EIF4E3: variants seen among roughly 807,000 people sequenced by gnomAD.
The protein encoded by EIF4E3 is eukaryotic translation initiation factor 4E family member 3.
Under a neutral mutation model 31.7 loss-of-function variants are expected in EIF4E3, and 26 were observed. That is an observed-to-expected ratio of 0.82 (90% CI 0.60 to 1.14). The LOEUF (loss-of-function observed/expected upper bound fraction) is 1.14. Among genes scored for constraint, EIF4E3 ranks in the 50% most tolerant of loss-of-function variants. The pLI, the probability that EIF4E3 is intolerant of heterozygous loss-of-function variation, is 0.00. For synonymous variants in EIF4E3, 128 were observed against 107.7 expected (o/e 1.19, Z -1.17); for missense variants, 304 against 270.9 (o/e 1.12, Z -0.86).
intron 1 of EIF4E3, among the ~76,000 whole-genome samples, chr3:71,711,666 T>C (rs1272413122): frequency 1.3e-5 from 2 of 151,934 alleles, no homozygotes; most frequent in Non-Finnish European, 2.9e-5. Context: ...TCCCTAAGAG[T>C]TGAACCTGAA....
At chr3:71,704,521 G>A (rs2049263715) in intron 2 of EIF4E3, among the ~76,000 whole-genome samples, 1 of 152,238 alleles carries the variant, frequency 6.6e-6, no homozygotes, top group South Asian at 2.1e-4. Context: ...CATTCTGGTG[G>A]GGTCGGGGGA....
chr3:71,685,212 C>T (rs1460330526), intron 6 of EIF4E3, among the ~76,000 whole-genome samples: 1 of 152,222 alleles, frequency 6.6e-6, no homozygotes, highest in African/African-American at 2.4e-5. Context: ...GGTGCCCCTG[C>T]TCCCTACCTC....
At position 71,683,727 on chromosome 3, in the gene EIF4E3, T is replaced by G. The variant is rs552274362; in HGVS notation, c.*955A>C. Reference sequence around the variant, plus strand: ...TGATGATGAGAAATGACACACAATGTGAGCAGGGAAAGGGATCATTTAACA... The same window carrying G: ...TGATGATGAGAAATGACACACAATGGGAGCAGGGAAAGGGATCATTTAACA... On this transcript the variant is annotated 3_prime_UTR_variant, in exon 7 of 7. Transcript: ENST00000425534. 3 of 152,328 alleles carry G rather than the reference T, an allele frequency of 2.0e-5. No homozygotes were observed. The South Asian group carries it at 6.2e-4, about 32-fold the overall frequency. 9.4% of individuals were successfully genotyped at this position (152,328 alleles called of 1,614,324 possible).
At chr3:71,691,257 T>G (rs1437568776) in intron 5 of EIF4E3, among the ~76,000 whole-genome samples, 1 of 152,220 alleles carries the variant, frequency 6.6e-6, no homozygotes, top group Non-Finnish European at 1.5e-5. Context: ...AATCTAAATA[T>G]TCATGCCATC....
intron 2 of EIF4E3, among the ~76,000 whole-genome samples, chr3:71,707,323 T>A (rs988830345): frequency 1.3e-5 from 2 of 152,198 alleles, no homozygotes; most frequent in African/African-American, 4.8e-5. Context: ...ATATGGGACA[T>A]CAACCAAGGC....
In EIF4E3 at chr3:71,684,591, G is replaced by T; in HGVS notation, c.*91C>A. On this transcript the variant is annotated 3_prime_UTR_variant, in exon 7 of 7. Coordinates refer to ENST00000425534, the MANE Select transcript of EIF4E3 (RefSeq NM_001134651.2). ...ACCCACTCTAAATTGACCAGCATCG[G>T]CTTCGGCAAGTCTTCTCTTCACTCT... The T allele has an allele frequency of 1.3e-6, 2 of 1,519,854 alleles. No individual in the cohort carries two copies. The highest frequency in any genetic ancestry group is 2.3e-5 in the South Asian group (2 of 87,426). 94.1% of individuals were successfully genotyped at this position (1,519,854 alleles called of 1,614,324 possible).
intron 2 of EIF4E3, among the ~76,000 whole-genome samples, chr3:71,709,079 C>T (rs2049337279): frequency 1.3e-5 from 2 of 151,978 alleles, no homozygotes; most frequent in Non-Finnish European, 2.9e-5. Context: ...GATACTGGGA[C>T]CATAGCCTAA....
At chr3:71,668,571 A>C in the EIF4E3 span, among the ~76,000 whole-genome samples, 1 of 152,188 alleles carries the variant, frequency 6.6e-6, no homozygotes, top group Admixed American at 6.5e-5. Context: ...AACCCCATCA[A>C]AAAGTGGGCA....
At chr3:71,752,060 C>T (rs951346810) in intron 1 of EIF4E3, among the ~76,000 whole-genome samples, 6 of 152,130 alleles carry the variant, frequency 3.9e-5, no homozygotes, top group East Asian at 1.9e-4. Context: ...TTAGGAGTCC[C>T]AAGTCAGGTG....
intron 1 of EIF4E3, among the ~76,000 whole-genome samples, chr3:71,714,170 C>T (rs548392481): frequency 6.6e-6 from 1 of 151,316 alleles, no homozygotes; most frequent in African/African-American, 2.4e-5. Flanking sequence ...CGAGATTGCG[C>T]CACTGCACTC....
At chr3:71,731,888 AAATAT>A (rs1474053439) in intron 1 of EIF4E3, among the ~76,000 whole-genome samples, 3 of 152,234 alleles carry the variant, frequency 2.0e-5, no homozygotes, top group Non-Finnish European at 4.4e-5. Context: ...GTATATTTCC[AAATAT>A]ATTTAGAGAG....
At chr3:71,729,957 G>A (rs1331389055), upstream of EIF4E3, among the ~76,000 whole-genome samples, 2 of 151,952 alleles carry the variant, frequency 1.3e-5, no homozygotes, top group East Asian at 3.9e-4. Flanking sequence ...CTATAAATAT[G>A]CAGGCCTGTC....
At chr3:71,729,783 C>T (rs1004438732), upstream of EIF4E3, among the ~76,000 whole-genome samples, 4 of 132,562 alleles carry the variant, frequency 3.0e-5, no homozygotes, top group African/African-American at 1.2e-4. Context: ...CTCTGGGAGC[C>T]TACATTCCAA....
chr3:71,678,585 T>C lies in EIF4E3; in HGVS notation c.*6097A>G, dbSNP rs1178294073. 2 of 151,938 alleles carry C rather than the reference T, an allele frequency of 1.3e-5. No individual in the cohort carries two copies. The highest frequency in any genetic ancestry group is 2.9e-5 in the Non-Finnish European group (2 of 67,990). The allele number at this position is 151,938 out of a possible 1,614,324, so 9.4% of individuals were successfully genotyped here. A position where few individuals can be genotyped will look rare whatever the true frequency, so the allele number is the denominator to read the frequency against. On this transcript the variant is annotated 3_prime_UTR_variant, in exon 7 of 7. Transcript: ENST00000425534. ...ACAACACACAATATAAAATCAAAAA[T>C]AACTAGAACAGAAAAGTTTTCAGTC...
At chr3:71,719,016 G>A (rs1212463864) in intron 1 of EIF4E3, among the ~76,000 whole-genome samples, 1 of 152,200 alleles carries the variant, frequency 6.6e-6, no homozygotes, top group Non-Finnish European at 1.5e-5. Context: ...GAACAAGGAT[G>A]ACTTTGGGGT....
In EIF4E3 at chr3:71,696,454, A is replaced by G. The variant is rs1194626697; in HGVS notation, c.405+6T>C. 1.2e-6 allele frequency: 2 copies of G among 1,613,866 alleles called. No individual in the cohort carries two copies. Among genetic ancestry groups the G allele is most frequent in the Non-Finnish European group, 8.5e-7 (1 of 1,179,982 alleles). ...CGGTTCTAGAAGAGGATCAGTAGGA[A>G]CCTACCGTGCTGTCCTTGGGGACTT... is the stretch of plus-strand genomic sequence containing the variant. On this transcript the variant is annotated splice_donor_region_variant and intron_variant, in intron 4 of 6. Coordinates refer to ENST00000425534, the MANE Select transcript of EIF4E3 (RefSeq NM_001134651.2).
At chr3:71,671,499 G>A (rs1366695786), downstream of EIF4E3, among the ~76,000 whole-genome samples, 8 of 152,268 alleles carry the variant, frequency 5.3e-5, no homozygotes, top group Non-Finnish European at 8.8e-5. Flanking sequence ...ATTATTAAGC[G>A]TCTTGGAATG....
At chr3:71,700,365 AGTACTGAATATAT>A (rs1242483487) in intron 2 of EIF4E3, among the ~76,000 whole-genome samples, 1 of 152,194 alleles carries the variant, frequency 6.6e-6, no homozygotes, top group Non-Finnish European at 1.5e-5. Context: ...TAAAGCCTTT[AGTACTGAATATAT>A]GTACTGAACA....
At chr3:71,746,592 C>A (rs6801173) in intron 1 of EIF4E3, among the ~76,000 whole-genome samples, 4 of 152,230 alleles carry the variant, frequency 2.6e-5, no homozygotes, top group South Asian at 2.1e-4. Flanking sequence ...GTTCATGTTA[C>A]TTGCCAGGCT....
Sources: gnomAD v4.1 joint callset for allele counts (sites outside exome capture counted in the v4.1 genomes callset) on GRCh38, gnomAD v4.1.1 for gene constraint, MANE v1.5 for transcripts, NCBI Gene and HGNC (gene_info 2026-07-23, HGNC 2026-07-21) for gene names.